NIBAN1: variants seen among roughly 807,000 people sequenced by gnomAD.
The protein encoded by NIBAN1 is protein Niban 1.
In NIBAN1, 81 loss-of-function variants were observed where a neutral mutation model predicts 75.1. The observed-to-expected ratio is 1.08, with a 90% CI of 0.90 to 1.30. NIBAN1 has a LOEUF of 1.30. NIBAN1 is among the 50% of genes most tolerant of loss of function. The pLI, the probability that NIBAN1 is intolerant of heterozygous loss-of-function variation, is 0.00. For missense variants in NIBAN1, 1,133 were observed against 1,128.1 expected, an observed-to-expected ratio of 1.00 and a Z score of -0.06; for synonymous variants, 436 against 424.8, an observed-to-expected ratio of 1.03 and a Z score of -0.32.
At chr1:184,964,378 G>A (rs946447132) in intron 1 of NIBAN1, among the ~76,000 whole-genome samples, 2 of 152,204 alleles carry the variant, frequency 1.3e-5, no homozygotes, top group African/African-American at 4.8e-5. Flanking sequence ...CATGCACAGA[G>A]AAGAGGAAAT....
chr1:184,973,510 G>T (rs1159998744), intron 1 of NIBAN1, among the ~76,000 whole-genome samples: 1 of 151,782 alleles, frequency 6.6e-6, no homozygotes, highest in Non-Finnish European at 1.5e-5. Context: ...AGTTTGGGGT[G>T]GGGGGTGAGA....
At chr1:184,862,927 A>T (rs1456363932) in intron 5 of NIBAN1, among the ~76,000 whole-genome samples, 1 of 151,828 alleles carries the variant, frequency 6.6e-6, no homozygotes, top group Non-Finnish European at 1.5e-5. Context: ...TGTTGTACAG[A>T]TTATTTCATC....
At chr1:184,947,494 G>A (rs1658260015) in intron 1 of NIBAN1, among the ~76,000 whole-genome samples, 1 of 152,238 alleles carries the variant, frequency 6.6e-6, no homozygotes, top group Non-Finnish European at 1.5e-5. Context: ...TGTGAATATA[G>A]TTAATGCTGC....
intron 6 of NIBAN1, among the ~76,000 whole-genome samples, chr1:184,827,075 G>A (rs749992414): frequency 4.9e-4 from 74 of 152,142 alleles, no homozygotes; most frequent in Non-Finnish European, 7.5e-4. Context: ...ATTCTCTCTT[G>A]TCTGCTGCCA....
intron 6 of NIBAN1, among the ~76,000 whole-genome samples, chr1:184,827,450 G>C (rs1654871532): frequency 6.6e-6 from 1 of 151,578 alleles, no homozygotes; most frequent in Non-Finnish European, 1.5e-5. Flanking sequence ...CTTTTCTAGA[G>C]AAAGTAGCTA....
At chr1:184,938,577 C>A (rs1425246853) in intron 1 of NIBAN1, among the ~76,000 whole-genome samples, 1 of 151,808 alleles carries the variant, frequency 6.6e-6, no homozygotes, top group East Asian at 1.9e-4. Flanking sequence ...GACATAAATA[C>A]AAAAGTAGGT....
intron 1 of NIBAN1, among the ~76,000 whole-genome samples, chr1:184,941,477 C>T (rs962383931): frequency 7.9e-5 from 12 of 151,960 alleles, no homozygotes; most frequent in African/African-American, 1.9e-4. Context: ...TGGAAAAACC[C>T]TGTCTCTACA....
intron 1 of NIBAN1, among the ~76,000 whole-genome samples, chr1:184,937,946 G>A (rs1658003349): frequency 6.6e-6 from 1 of 152,220 alleles, no homozygotes. Context: ...TTGACAGAGA[G>A]CTAAGGCTTG....
intron 1 of NIBAN1, among the ~76,000 whole-genome samples, chr1:184,958,785 A>G (rs1424498800): frequency 3.9e-5 from 6 of 152,236 alleles, no homozygotes; most frequent in African/African-American, 1.4e-4. Flanking sequence ...CTTTAAATGT[A>G]AACCATACAT....
intron 5 of NIBAN1, among the ~76,000 whole-genome samples, chr1:184,839,281 T>C (rs936749974): frequency 1.3e-5 from 2 of 152,200 alleles, no homozygotes; most frequent in African/African-American, 4.8e-5. Flanking sequence ...GTTTATCATG[T>C]AATTTTTAAA....
intron 5 of NIBAN1, among the ~76,000 whole-genome samples, chr1:184,855,126 C>T (rs550956071): frequency 6.6e-6 from 1 of 152,192 alleles, no homozygotes; most frequent in African/African-American, 2.4e-5. Context: ...TTTAAATGTC[C>T]AATCCATTTC....
intron 1 of NIBAN1, among the ~76,000 whole-genome samples, chr1:184,932,202 T>G (rs1657841579): frequency 1.3e-5 from 2 of 152,162 alleles, no homozygotes; most frequent in Admixed American, 6.5e-5. Context: ...CAGATGGTTT[T>G]GGGATGATTC....
At chr1:184,887,574 C>T (rs1011083327) in intron 4 of NIBAN1, among the ~76,000 whole-genome samples, 1 of 152,052 alleles carries the variant, frequency 6.6e-6, no homozygotes, top group African/African-American at 2.4e-5. Context: ...TTTCTCCTCC[C>T]TATTATCTGG....
At chr1:184,940,050 T>C (rs1183697676) in intron 1 of NIBAN1, among the ~76,000 whole-genome samples, 2 of 152,192 alleles carry the variant, frequency 1.3e-5, no homozygotes, top group African/African-American at 4.8e-5. Flanking sequence ...CTTTAGACTG[T>C]TTCTGGGATG....
At chr1:184,967,190 T>C (rs1327382539) in intron 1 of NIBAN1, among the ~76,000 whole-genome samples, 10 of 148,492 alleles carry the variant, frequency 6.7e-5, no homozygotes, top group Non-Finnish European at 1.5e-4. Context: ...AATCTCTTTC[T>C]CTCTCTTTCC....
At chr1:184,869,899 A>G (rs1274128664) in intron 5 of NIBAN1, among the ~76,000 whole-genome samples, 2 of 152,168 alleles carry the variant, frequency 1.3e-5, no homozygotes, top group Non-Finnish European at 2.9e-5. Flanking sequence ...TTAAATTCAT[A>G]TTATAAAAAT....
intron 5 of NIBAN1, among the ~76,000 whole-genome samples, chr1:184,871,347 CAAAAAAAAAAA>C (rs10658216): frequency 2.9e-5 from 1 of 34,622 alleles, no homozygotes; most frequent in African/African-American, 5.0e-5. Flanking sequence ...AACTCTATCT[CAAAAAAAAAAA>C]AAAAAAAAAA....
At chr1:184,945,838 C>T (rs892615432) in intron 1 of NIBAN1, among the ~76,000 whole-genome samples, 8 of 152,122 alleles carry the variant, frequency 5.3e-5, no homozygotes, top group Non-Finnish European at 1.0e-4. Flanking sequence ...CATCATGACT[C>T]TGTGGGAAGA....
chr1:184,862,026 A>G (rs1023092035), intron 5 of NIBAN1, among the ~76,000 whole-genome samples: 45 of 152,320 alleles, frequency 3.0e-4, no homozygotes, highest in African/African-American at 1.0e-3. Flanking sequence ...AAGGGCACTC[A>G]CTATTATTCC....
Sources: allele counts gnomAD v4.1 joint callset (sites outside exome capture counted in the v4.1 genomes callset), GRCh38; gene constraint gnomAD v4.1.1; transcripts MANE v1.5; gene names NCBI Gene and HGNC (gene_info 2026-07-23, HGNC 2026-07-21).